Variants in PRKCE observed in about 807,000 individuals in gnomAD.
PRKCE encodes the protein protein kinase C epsilon type.
Under a neutral mutation model 85.4 loss-of-function variants are expected in PRKCE, and 16 were observed. The observed-to-expected ratio is 0.19, with a 90% confidence interval of 0.13 to 0.28. The LOEUF (loss-of-function observed/expected upper bound fraction) is 0.28. PRKCE is among the 10% of genes least tolerant of loss of function. The pLI is 1.00. For missense variants in PRKCE, 573 were observed against 975.2 expected (o/e 0.59, Z 5.49); for synonymous variants, 388 against 371.5 (o/e 1.04, Z -0.51).
At chr2:46,037,904 G>A (rs1707969885) in intron 10 of PRKCE, among the ~76,000 whole-genome samples, 1 of 152,198 alleles carries the variant, frequency 6.6e-6, no homozygotes, top group African/African-American at 2.4e-5. Flanking sequence ...TTGGGCAAAT[G>A]ACTGAAACTC....
At chr2:46,174,039 C>T (rs927394956) in intron 14 of PRKCE, among the ~76,000 whole-genome samples, 6 of 152,194 alleles carry the variant, frequency 3.9e-5, no homozygotes, top group African/African-American at 1.4e-4. Flanking sequence ...GAATGCCTGG[C>T]GGTCTGAGAG....
intron 1 of PRKCE, among the ~76,000 whole-genome samples, chr2:45,688,609 C>A (rs1327766228): frequency 6.6e-6 from 1 of 152,122 alleles, no homozygotes; most frequent in Non-Finnish European, 1.5e-5. Flanking sequence ...ATGGTGAATG[C>A]CTAAACCACC....
At chr2:46,088,176 G>A (rs1014949919) in intron 11 of PRKCE, among the ~76,000 whole-genome samples, 1 of 152,192 alleles carries the variant, frequency 6.6e-6, no homozygotes, top group African/African-American at 2.4e-5. Flanking sequence ...CAGAGCATGA[G>A]TTGGGGGTCA....
intron 1 of PRKCE, among the ~76,000 whole-genome samples, chr2:45,757,934 G>A (rs987934583): frequency 6.6e-6 from 1 of 152,180 alleles, no homozygotes; most frequent in Non-Finnish European, 1.5e-5. Context: ...GACTAGTCAA[G>A]GGAAGCTCTG....
At chr2:45,716,492 G>C (rs140313736) in intron 1 of PRKCE, among the ~76,000 whole-genome samples, 272 of 151,522 alleles carry the variant, frequency 1.8e-3, no homozygotes, top group Admixed American at 5.4e-3. Flanking sequence ...GTGCACTCCA[G>C]ACTGGGAAAC....
chr2:45,810,646 G>C (rs928304135), intron 1 of PRKCE, among the ~76,000 whole-genome samples: 1 of 152,058 alleles, frequency 6.6e-6, no homozygotes, highest in Non-Finnish European at 1.5e-5. Flanking sequence ...TACAGTGGCA[G>C]AATCTCGGCT....
intron 8 of PRKCE, among the ~76,000 whole-genome samples, chr2:46,006,996 C>T (rs927859097): frequency 1.3e-5 from 2 of 152,224 alleles, no homozygotes; most frequent in Non-Finnish European, 2.9e-5. Flanking sequence ...AGCCACCGTT[C>T]TGATGGCTCA....
intron 1 of PRKCE, chr2:45,676,598 T>C (rs777105443): frequency 1.3e-5 from 2 of 152,234 alleles, no homozygotes; most frequent in Non-Finnish European, 2.9e-5. Flanking sequence ...ACAAACACCA[T>C]TGCCTGTTTC....
chr2:45,999,550 A>G (rs1704497727), intron 6 of PRKCE, among the ~76,000 whole-genome samples: 1 of 151,354 alleles, frequency 6.6e-6, no homozygotes, highest in South Asian at 2.1e-4. Context: ...ATGCCTTGGT[A>G]TAGTTTTTTG....
At chr2:45,971,475 C>G (rs1472093044) in intron 2 of PRKCE, among the ~76,000 whole-genome samples, 1 of 152,172 alleles carries the variant, frequency 6.6e-6, no homozygotes, top group Non-Finnish European at 1.5e-5. Flanking sequence ...ACATAGAAAT[C>G]TGCTTCAGCT....
chr2:45,894,686 C>G (rs1182883654), intron 2 of PRKCE, among the ~76,000 whole-genome samples: 1 of 152,088 alleles, frequency 6.6e-6, no homozygotes, highest in Admixed American at 6.5e-5. Flanking sequence ...TCCACTTCCT[C>G]TAAAGTAGAA....
At chr2:46,011,944 C>T (rs931476133) in intron 10 of PRKCE, among the ~76,000 whole-genome samples, 14 of 152,164 alleles carry the variant, frequency 9.2e-5, no homozygotes, top group South Asian at 2.1e-4. Context: ...TCTTTGTCTA[C>T]GAAACTTTCC....
chr2:45,743,273 T>C (rs533873563), intron 1 of PRKCE, among the ~76,000 whole-genome samples: 4 of 152,332 alleles, frequency 2.6e-5, no homozygotes, highest in African/African-American at 9.6e-5. Context: ...ATACTCACCA[T>C]ACAAAAAAGT....
rs959644273 is a variant in PRKCE, at chr2:45,905,851, A to G, written c.412+62788A>G. 2.6e-5 allele frequency among the ~76,000 whole-genome samples: 4 copies of G among 152,262 alleles called. No individual in the cohort carries two copies. The highest frequency in any genetic ancestry group is 5.9e-5 in the Non-Finnish European group (4 of 68,038). On this transcript the variant is annotated intron_variant, in intron 2 of 14. Transcript: ENST00000306156. The surrounding 1 kb of genome is among the most constrained non-coding windows in gnomAD (Gnocchi z 4.4). ...AAATTGGGTGAGATGTGGCTCCCAC[A>G]GTGGGAATAATTTCCTTGAAGGTCT...
intron 1 of PRKCE, among the ~76,000 whole-genome samples, chr2:45,798,618 A>C (rs1420023756): frequency 6.6e-6 from 1 of 152,230 alleles, no homozygotes; most frequent in Non-Finnish European, 1.5e-5. Flanking sequence ...TTGAAAGCAA[A>C]ATATCAAGTT....
At chr2:46,107,308 A>G (rs1671824941) in intron 11 of PRKCE, among the ~76,000 whole-genome samples, 1 of 152,160 alleles carries the variant, frequency 6.6e-6, no homozygotes, top group South Asian at 2.1e-4. Flanking sequence ...AGATTCATCT[A>G]TGTCTTTTTG....
At chr2:45,776,707 C>T (rs1206625316) in intron 1 of PRKCE, among the ~76,000 whole-genome samples, 1 of 152,238 alleles carries the variant, frequency 6.6e-6, no homozygotes, top group Non-Finnish European at 1.5e-5. Context: ...CCCCTCCCTC[C>T]ACCATGACAC....
chr2:45,974,924 C>T (rs1382194268), intron 2 of PRKCE, among the ~76,000 whole-genome samples: 1 of 152,150 alleles, frequency 6.6e-6, no homozygotes, highest in Admixed American at 6.5e-5. Flanking sequence ...AAAGCCTGCC[C>T]ACTGTGTTCT....
intron 2 of PRKCE, among the ~76,000 whole-genome samples, chr2:45,889,442 C>T (rs139001617): frequency 4.9e-4 from 75 of 152,298 alleles, no homozygotes; most frequent in African/African-American, 1.7e-3. Flanking sequence ...TAGCAAATCT[C>T]CCACTGATTT....
Sources: allele counts gnomAD v4.1 joint callset (sites outside exome capture counted in the v4.1 genomes callset), GRCh38; gene constraint gnomAD v4.1.1; non-coding constraint Gnocchi (gnomAD v3.1); transcripts MANE v1.5; gene names NCBI Gene and HGNC (gene_info 2026-07-23, HGNC 2026-07-21).